Variants in ILDR1 observed in about 807,000 individuals in gnomAD.
ILDR1 encodes the protein immunoglobulin-like domain-containing receptor 1.
In ILDR1, 56 loss-of-function variants were observed where a neutral mutation model predicts 62.4. The ratio of observed to expected loss-of-function variants is 0.90; its 90% CI spans 0.72 to 1.12. The LOEUF is 1.12. Among genes scored for constraint, ILDR1 ranks in the 50% most tolerant of loss-of-function variants. ILDR1 has a pLI of 0.00. For missense variants in ILDR1, 736 were observed against 710.6 expected (o/e 1.04, Z -0.41); for synonymous variants, 284 against 277.8 (o/e 1.02, Z -0.22).
At chr3:122,024,998 C>A (rs1201522270), upstream of ILDR1, among the ~76,000 whole-genome samples, 2 of 152,202 alleles carry the variant, frequency 1.3e-5, no homozygotes, top group African/African-American at 4.8e-5. Context: ...AGTCATTCTT[C>A]CCACATGTGC....
chr3:121,991,758 C>T (rs1166177178), intron 7 of ILDR1, among the ~76,000 whole-genome samples: 1 of 152,210 alleles, frequency 6.6e-6, no homozygotes, highest in African/African-American at 2.4e-5. Context: ...CAAGGCTCTG[C>T]TCTAGAAAGA....
At chr3:122,056,874 T>C in the ILDR1 span, among the ~76,000 whole-genome samples, 1 of 152,238 alleles carries the variant, frequency 6.6e-6, no homozygotes, top group East Asian at 1.9e-4. Context: ...TTAATTATGC[T>C]AGCACTGTCT....
rs751310993 is a variant in ILDR1, at chr3:121,993,662, C to G, written c.1087G>C (p.Asp363His). The change falls in exon 7 of 8, where the codon GAT becomes CAT. Residue 363 changes from aspartate to histidine, a missense_variant. Asp to His is a moderately conservative substitution (Grantham distance 81, BLOSUM62 -1). Transcript: ENST00000344209. Reference sequence around the variant, plus strand: ...TGGTGGCTTCTCCCCTCCCTCAGATCCCAGGGCCTGGAGGGAATTGGGGTG... The same window carrying G: ...TGGTGGCTTCTCCCCTCCCTCAGATGCCAGGGCCTGGAGGGAATTGGGGTG... The part of the protein sequence containing the change: ...WLTPIPSRPW[D>H]LREGRSHHHY... 3.7e-6 allele frequency: 6 copies of G among 1,614,212 alleles called. No homozygotes were observed. Among genetic ancestry groups the G allele is most frequent in the Non-Finnish European group, 5.1e-6 (6 of 1,180,026 alleles).
chr3:122,041,126 G>C, the ILDR1 span, among the ~76,000 whole-genome samples: 1 of 152,192 alleles, frequency 6.6e-6, no homozygotes, highest in East Asian at 1.9e-4. Context: ...CCTTACCAAA[G>C]AAGATATGCA....
intron 7 of ILDR1, among the ~76,000 whole-genome samples, chr3:121,988,728 C>T (rs887556134): frequency 2.6e-5 from 4 of 152,214 alleles, no homozygotes; most frequent in Non-Finnish European, 5.9e-5. Flanking sequence ...AAGGGGTACC[C>T]TGTTCCATTC....
At chr3:121,992,610 T>TA (rs1246971801) in intron 7 of ILDR1, among the ~76,000 whole-genome samples, 1 of 152,226 alleles carries the variant, frequency 6.6e-6, no homozygotes, top group Non-Finnish European at 1.5e-5. Flanking sequence ...ATCAGGGTTT[T>TA]AAAAATCAGT....
the ILDR1 span, among the ~76,000 whole-genome samples, chr3:122,052,073 A>G: frequency 3.9e-3 from 590 of 152,170 alleles, 4 homozygotes; most frequent in African/African-American, 0.013. Flanking sequence ...GTGGGGCTAC[A>G]TGGAAACCAG....
the ILDR1 span, among the ~76,000 whole-genome samples, chr3:122,057,125 G>A: frequency 6.6e-6 from 1 of 152,160 alleles, no homozygotes; most frequent in African/African-American, 2.4e-5. Context: ...TGCTAAGAAG[G>A]GAGGATTATT....
intron 3 of ILDR1, among the ~76,000 whole-genome samples, chr3:122,004,676 A>G (rs2071577904): frequency 2.0e-5 from 3 of 152,224 alleles, no homozygotes; most frequent in Admixed American, 6.5e-5. Context: ...CCTGTCGTTC[A>G]GATGAAGAAA....
At chr3:122,011,677 T>TCACACACACACACACACACA (rs10530548) in intron 1 of ILDR1, among the ~76,000 whole-genome samples, 22,075 of 132,882 alleles carry the variant, frequency 0.17, 2,263 homozygotes, top group Admixed American at 0.29. Context: ...TCTCTCTCTT[T>TCACACACACACACACACACA]CACACACACA....
upstream of ILDR1, among the ~76,000 whole-genome samples, chr3:122,022,740 A>G (rs1031522357): frequency 7.9e-5 from 12 of 152,076 alleles, no homozygotes; most frequent in Non-Finnish European, 1.5e-4. Flanking sequence ...TACATGGCGA[A>G]ACCCTGTCTA....
chr3:122,037,420 A>C, the ILDR1 span, among the ~76,000 whole-genome samples: 1 of 152,222 alleles, frequency 6.6e-6, no homozygotes, highest in East Asian at 1.9e-4. Context: ...ACATTGAATC[A>C]AAGGAGATTA....
At chr3:122,058,444 C>T in the ILDR1 span, among the ~76,000 whole-genome samples, 1 of 152,134 alleles carries the variant, frequency 6.6e-6, no homozygotes, top group African/African-American at 2.4e-5. Context: ...GAGCAAAGAG[C>T]TAGTGCAAGA....
intron 1 of ILDR1, among the ~76,000 whole-genome samples, chr3:122,021,800 C>A (rs2071859252): frequency 6.6e-6 from 1 of 152,258 alleles, no homozygotes; most frequent in Non-Finnish European, 1.5e-5. Context: ...CTCAGTTGCA[C>A]CTGTTTGGGA....
At position 122,005,166 on chromosome 3, in the gene ILDR1, A is replaced by G. The variant is rs372414708; in HGVS notation, c.379+78T>C. 57 of 1,042,882 alleles carry G rather than the reference A, an allele frequency of 5.5e-5. 3 individuals are homozygous for G. The highest frequency in any genetic ancestry group is 4.0e-4 in the East Asian group (16 of 40,252). 64.6% of individuals were successfully genotyped at this position (1,042,882 alleles called of 1,614,324 possible). The stretch of plus-strand genomic sequence containing the variant: ...GCAGCAGAAAGAAATGGGAAATCCC[A>G]TGCTGACTCAGCCTGCCAGGCCTGG... On this transcript the variant is annotated intron_variant, in intron 3 of 7. Transcript: ENST00000344209.
At chr3:122,056,034 G>A in the ILDR1 span, among the ~76,000 whole-genome samples, 1 of 152,172 alleles carries the variant, frequency 6.6e-6, no homozygotes, top group Non-Finnish European at 1.5e-5. Context: ...GATTAAATTA[G>A]TTACCATGTA....
At chr3:122,005,526 T>G (rs944207472) in intron 2 of ILDR1, 133 bp from the exon 3 acceptor site, 1 of 865,908 alleles carries the variant, frequency 1.2e-6, no homozygotes, top group Non-Finnish European at 1.8e-6. Context: ...CCCTTGGGAC[T>G]CTTGTTAATC....
At chr3:122,020,406 T>C (rs72965411) in intron 1 of ILDR1, among the ~76,000 whole-genome samples, 5,027 of 152,334 alleles carry the variant, frequency 0.033, 265 homozygotes, top group African/African-American at 0.12. Flanking sequence ...ATGTAGTTTA[T>C]TTACATTTCT....
At chr3:122,051,702 T>C in the ILDR1 span, among the ~76,000 whole-genome samples, 5 of 152,188 alleles carry the variant, frequency 3.3e-5, no homozygotes, top group East Asian at 9.6e-4. Context: ...GGTATCTGCA[T>C]ATTAAAAAAC....
Sources: gnomAD v4.1 joint callset for allele counts (sites outside exome capture counted in the v4.1 genomes callset) on GRCh38, gnomAD v4.1.1 for gene constraint, MANE v1.5 for transcripts, NCBI Gene and HGNC (gene_info 2026-07-23, HGNC 2026-07-21) for gene names.